TBCK: variants seen among roughly 807,000 people sequenced by gnomAD.
The protein encoded by TBCK is TBC domain-containing protein kinase-like protein.
A neutral mutation model predicts 113.4 loss-of-function variants in TBCK; 99 were observed. The observed-to-expected ratio is 0.87, with a 90% CI of 0.74 to 1.03. The LOEUF is 1.03. Among genes scored for constraint, TBCK ranks in the 50% least tolerant of loss-of-function variants. TBCK has a pLI of 0.00. For missense variants in TBCK, 1,045 were observed against 1,061.3 expected (o/e 0.98, Z 0.21); for synonymous variants, 369 against 370.8 (o/e 1.00, Z 0.05).
In TBCK at chr4:106,067,531, G is replaced by A. The variant is rs1578795283; in HGVS notation, c.2572-20851C>T. ...TTAGAAGTCCAACTTACTGTTTGTT[G>A]TCTGTGCTCTTGGTGTCATATGTAA... On this transcript the variant is annotated intron_variant, in intron 25 of 25. Transcript: ENST00000394708. 2.0e-5 allele frequency among the ~76,000 whole-genome samples: 3 copies of A among 152,038 alleles called. No homozygotes were observed. In the South Asian group the frequency reaches 6.2e-4, roughly 32 times the overall value.
At chr4:106,219,337 A>G (rs1000832458) in intron 19 of TBCK, among the ~76,000 whole-genome samples, 10 of 151,930 alleles carry the variant, frequency 6.6e-5, no homozygotes, top group African/African-American at 2.4e-4. Flanking sequence ...AACCCGCACA[A>G]TGTGCACATG....
rs189868054 is a variant in TBCK, at chr4:106,254,474, C to T, written c.456-2467G>A. Among the ~76,000 whole-genome samples, 8 of 152,320 alleles carry T rather than the reference C, an allele frequency of 5.3e-5. No individual in the cohort carries two copies. The East Asian group carries it at 1.2e-3, about 22-fold the overall frequency. The stretch of plus-strand genomic sequence containing the variant: ...CAGTAATTATGACTTGAAATATTTT[C>T]TACCACTCTGTGGTTTTGTCTTTTC... On this transcript the variant is annotated intron_variant, in intron 5 of 25. Transcript: ENST00000394708.
At chr4:106,292,118 T>C (rs555916473) in intron 3 of TBCK, among the ~76,000 whole-genome samples, 3 of 152,322 alleles carry the variant, frequency 2.0e-5, no homozygotes, top group Non-Finnish European at 2.9e-5. Flanking sequence ...CCACCATGAC[T>C]GGACGGCTTT....
intron 25 of TBCK, among the ~76,000 whole-genome samples, chr4:106,089,343 A>G (rs1299120130): frequency 1.3e-5 from 2 of 152,114 alleles, no homozygotes; most frequent in African/African-American, 4.8e-5. Flanking sequence ...CCATAATCCA[A>G]ACACCTCCTT....
chr4:106,237,592 C>T (rs1453201050), intron 12 of TBCK: 3 of 453,826 alleles, frequency 6.6e-6, no homozygotes, highest in African/African-American at 2.0e-5. Flanking sequence ...CACTGATCTT[C>T]TGCTGATTAG....
intron 25 of TBCK, among the ~76,000 whole-genome samples, chr4:106,073,854 C>T (rs1737826548): frequency 6.6e-6 from 1 of 152,190 alleles, no homozygotes. Flanking sequence ...GCTGCCGCCT[C>T]ACAGTTCGAT....
chr4:106,088,530 C>T (rs1441788281), intron 25 of TBCK, among the ~76,000 whole-genome samples: 3 of 152,168 alleles, frequency 2.0e-5, no homozygotes, highest in African/African-American at 7.2e-5. Flanking sequence ...TTGTAGAAGA[C>T]AGTATGGTGA....
chr4:106,071,276 C>T (rs1737397501), intron 25 of TBCK, among the ~76,000 whole-genome samples: 1 of 151,966 alleles, frequency 6.6e-6, no homozygotes, highest in Admixed American at 6.6e-5. Context: ...TAAATGTGTC[C>T]CAGAGGTTTT....
At chr4:106,291,955 A>G (rs79289397) in intron 3 of TBCK, among the ~76,000 whole-genome samples, 2,626 of 152,362 alleles carry the variant, frequency 0.017, 35 homozygotes, top group Middle Eastern at 0.099. Context: ...GCTTTTGTGC[A>G]ATATATTTTT....
At chr4:106,095,836 A>G (rs73836978) in intron 24 of TBCK, among the ~76,000 whole-genome samples, 195 bp from the exon 25 acceptor site, 1,986 of 152,308 alleles carry the variant, frequency 0.013, 46 homozygotes, top group African/African-American at 0.043. Context: ...AGAAAAGAGA[A>G]AGGAAGATGA....
At chr4:106,071,813 A>C (rs1737491633) in intron 25 of TBCK, among the ~76,000 whole-genome samples, 1 of 152,206 alleles carries the variant, frequency 6.6e-6, no homozygotes, top group Admixed American at 6.5e-5. Flanking sequence ...TAGGATAGTT[A>C]GCTCTTCTTG....
At chr4:106,090,714 T>G (rs1264516072) in intron 25 of TBCK, among the ~76,000 whole-genome samples, 3 of 152,244 alleles carry the variant, frequency 2.0e-5, no homozygotes, top group South Asian at 2.1e-4. Flanking sequence ...CTTGTCATCA[T>G]AATTAAGTTT....
At chr4:106,093,504 TCAAA>T (rs924575730) in intron 25 of TBCK, among the ~76,000 whole-genome samples, 19 of 152,178 alleles carry the variant, frequency 1.2e-4, no homozygotes, top group Non-Finnish European at 2.2e-4. Flanking sequence ...GAGACTCGTC[TCAAA>T]CAAACAAACA....
Position 106,138,217 on chromosome 4 carries a change from T to C in TBCK, c.2236-21839A>G, listed in dbSNP as rs142051038. ...ATATCAGGTTTCTGTATATGCTCTA[T>C]CATAATCTCATGGGACCACGGTCAT... On this transcript the variant is annotated intron_variant, in intron 23 of 25. Coordinates refer to ENST00000394708, the MANE Select transcript of TBCK (RefSeq NM_001163435.3). 2.4e-3 allele frequency among the ~76,000 whole-genome samples: 345 copies of C among 141,714 alleles called. 43 individuals carry two copies. The highest frequency in any genetic ancestry group is 8.0e-3 in the African/African-American group (323 of 40,230). 93.0% of individuals were successfully genotyped at this position (141,714 alleles called of 152,430 possible). A position where few individuals can be genotyped will look rare whatever the true frequency, so the allele number is the denominator to read the frequency against.
At chr4:106,294,261 C>T (rs912214831) in intron 3 of TBCK, among the ~76,000 whole-genome samples, 23 of 151,248 alleles carry the variant, frequency 1.5e-4, no homozygotes, top group Non-Finnish European at 2.5e-4. Flanking sequence ...CGCATCGCGG[C>T]TCACCACAAC....
At position 106,193,649 on chromosome 4, in the gene TBCK, A is replaced by G. The variant is rs767065435; in HGVS notation, c.2019T>C (p.Asn673=). ...AGAGAAGAATACACTCATTAAAGCC[A>G]TTAGCCAAAAGCCGGTCCCGCAGCT... ...LQQLRDRLLA[N]GFNECILLFS... Residue 673 remains asparagine, a synonymous_variant, in exon 22 of 26, where the codon AAT becomes AAC. Coordinates refer to ENST00000394708, the MANE Select transcript of TBCK (RefSeq NM_001163435.3). 1.4e-4 allele frequency: 230 copies of G among 1,613,574 alleles called. No individual in the cohort carries two copies. The highest frequency in any genetic ancestry group is 1.9e-4 in the Non-Finnish European group (225 of 1,179,704).
Position 106,236,431 on chromosome 4 carries a change from A to G in TBCK, c.1309T>C (p.Tyr437His). 1 of 1,563,594 alleles carries G rather than the reference A, an allele frequency of 6.4e-7. No homozygotes were observed. Among genetic ancestry groups the G allele is most frequent in the Non-Finnish European group, 8.7e-7 (1 of 1,153,842 alleles). The change falls in exon 14 of 26, where the codon TAC becomes CAC. Residue 437 changes from tyrosine to histidine, a missense_variant. Tyr to His is a moderately conservative substitution (Grantham distance 83). Coordinates refer to ENST00000394708, the MANE Select transcript of TBCK (RefSeq NM_001163435.3). Reference sequence around the variant, plus strand: ...AAGAGAATAATTCTATTTAGTTGGTACTCTGTATCCTTCTCTCTGATGATT... The same window carrying G: ...AAGAGAATAATTCTATTTAGTTGGTGCTCTGTATCCTTCTCTCTGATGATT... ...PLIIREKDTE[Y>H]QLNRIILFDR... is the part of the protein sequence containing the mutation.
chr4:106,061,589 T>C (rs1736058594), intron 25 of TBCK, among the ~76,000 whole-genome samples: 1 of 151,578 alleles, frequency 6.6e-6, no homozygotes, highest in African/African-American at 2.4e-5. Flanking sequence ...TGTGATGCAT[T>C]TTATTGCCAT....
rs2149434943 is a variant in TBCK at position 106,042,861 on chromosome 4, TCTTC to T, written c.*3705_*3708del. The T allele has an allele frequency of 6.6e-6, 1 of 152,338 alleles. No homozygotes were observed. Among genetic ancestry groups the T allele is most frequent in the Admixed American group, 6.5e-5 (1 of 15,310 alleles). 9.4% of individuals were successfully genotyped at this position (152,338 alleles called of 1,614,324 possible). ...AACAACTCTGTCTGTAACAGATTTT[TCTTC>T]CTTCATCAAGAATAACCAGGCCAAT... On this transcript the variant is annotated 3_prime_UTR_variant, in exon 26 of 26. Coordinates refer to ENST00000394708, the MANE Select transcript of TBCK (RefSeq NM_001163435.3).
Sources: allele counts gnomAD v4.1 joint callset (sites outside exome capture counted in the v4.1 genomes callset), GRCh38; gene constraint gnomAD v4.1.1; transcripts MANE v1.5; gene names NCBI Gene and HGNC (gene_info 2026-07-23, HGNC 2026-07-21).